The following SLC25A48 variants were observed in gnomAD, a reference collection of about 807,000 sequenced individuals.
SLC25A48 encodes CTC-321K16.1.
A neutral mutation model predicts 32.2 loss-of-function variants in SLC25A48; 29 were observed. The ratio of observed to expected loss-of-function variants is 0.90; its 90% CI spans 0.67 to 1.23. SLC25A48 has a LOEUF of 1.23. Among genes scored for constraint, SLC25A48 ranks in the 50% most tolerant of loss-of-function variants. SLC25A48 has a pLI of 0.00. For missense variants in SLC25A48, 399 were observed against 422.7 expected (o/e 0.94, Z 0.49); for synonymous variants, 164 against 172.3 (o/e 0.95, Z 0.38).
intron 3 of SLC25A48, among the ~76,000 whole-genome samples, chr5:135,694,355 C>T (rs960900866): frequency 1.3e-4 from 20 of 152,192 alleles, no homozygotes; most frequent in Non-Finnish European, 2.6e-4. Flanking sequence ...CCATTTGAAC[C>T]GTTTCCACCT....
intron 3 of SLC25A48, among the ~76,000 whole-genome samples, chr5:135,794,027 T>C (rs1757101561): frequency 6.6e-6 from 1 of 151,832 alleles, no homozygotes; most frequent in Non-Finnish European, 1.5e-5. Context: ...AGGGGGGAAA[T>C]TATATTACTC....
At chr5:135,585,002 G>A (rs1580701017) in intron 1 of SLC25A48, among the ~76,000 whole-genome samples, 2 of 152,342 alleles carry the variant, frequency 1.3e-5, no homozygotes, top group East Asian at 3.9e-4. Context: ...ATTCAGCGAG[G>A]GCTTGGGCAG....
chr5:135,658,874 G>A (rs1753319208), intron 3 of SLC25A48, among the ~76,000 whole-genome samples: 1 of 152,228 alleles, frequency 6.6e-6, no homozygotes, highest in South Asian at 2.1e-4. Context: ...TGGAGTGTCT[G>A]GGACACAGGG....
At chr5:135,773,545 C>T (rs192857116) in intron 3 of SLC25A48, among the ~76,000 whole-genome samples, 4 of 150,728 alleles carry the variant, frequency 2.7e-5, no homozygotes, top group Admixed American at 1.3e-4. Flanking sequence ...TGATACTGTG[C>T]GATCCCCCCA....
chr5:135,685,311 A>G (rs1474009890), intron 3 of SLC25A48, among the ~76,000 whole-genome samples: 1 of 150,332 alleles, frequency 6.7e-6, no homozygotes, highest in Non-Finnish European at 1.5e-5. Context: ...TTTATATATT[A>G]TGAAATTTTA....
At chr5:135,683,160 A>G (rs1296904219) in intron 3 of SLC25A48, among the ~76,000 whole-genome samples, 1 of 152,192 alleles carries the variant, frequency 6.6e-6, no homozygotes, top group Non-Finnish European at 1.5e-5. Context: ...GATAACATAC[A>G]TGACAGAATG....
intron 3 of SLC25A48, among the ~76,000 whole-genome samples, chr5:135,792,152 A>G (rs1757047187): frequency 6.6e-6 from 1 of 151,600 alleles, no homozygotes; most frequent in African/African-American, 2.4e-5. Context: ...GGAGCATGTT[A>G]CTCCTAATGT....
At chr5:135,769,955 C>T (rs754531271) in intron 3 of SLC25A48, among the ~76,000 whole-genome samples, 4 of 150,546 alleles carry the variant, frequency 2.7e-5, no homozygotes, top group African/African-American at 4.9e-5. Context: ...TATAGTATTA[C>T]TCCCAATTTC....
Position 135,874,064 on chromosome 5 carries a change from A to C in SLC25A48, c.723A>C (p.Lys241Asn). Residue 241 changes from lysine (K) to asparagine (N), a missense_variant, in exon 6 of 8, where the codon AAA becomes AAC. By Grantham distance (94) the Lys-to-Asn change is moderately conservative. Coordinates refer to ENST00000681962, the MANE Select transcript of SLC25A48 (RefSeq NM_001349336.2). ...WGTATPMDVV[K>N]SRLQADGVYL... ...CAGCGACTCCTATGGATGTCGTGAA[A>C]AGTCGACTCCAAGCTGATGGGGTTT... is the stretch of plus-strand genomic sequence containing the variant. 1 of 1,531,326 alleles carries C rather than the reference A, an allele frequency of 6.5e-7. No homozygotes were observed. The highest frequency in any genetic ancestry group is 1.2e-5 in the South Asian group (1 of 83,360). 94.9% of individuals were successfully genotyped at this position (1,531,326 alleles called of 1,614,324 possible).
chr5:135,855,753 A>T (rs1439616118), intron 4 of SLC25A48, among the ~76,000 whole-genome samples: 1 of 152,208 alleles, frequency 6.6e-6, no homozygotes, highest in Non-Finnish European at 1.5e-5. Flanking sequence ...ACTCATACGC[A>T]TGTATGTCTC....
rs539276205 is a variant in SLC25A48 at position 135,859,109 on chromosome 5, G to A, written c.421+6288G>A. Among the ~76,000 whole-genome samples the A allele has an allele frequency of 4.0e-4, 61 of 152,202 alleles. 2 individuals carry two copies. The highest frequency in any genetic ancestry group is 1.4e-3 in the African/African-American group (59 of 41,522). On this transcript the variant is annotated intron_variant, in intron 4 of 7. Transcript: ENST00000681962. ...AAAACTCAGAGACTCATCACGACAG[G>A]GAGCTAACATACATGTAACCTCCTA...
intron 1 of SLC25A48, among the ~76,000 whole-genome samples, chr5:135,585,044 G>A (rs757453105): frequency 6.6e-6 from 1 of 152,246 alleles, no homozygotes; most frequent in Non-Finnish European, 1.5e-5. Flanking sequence ...CGCTGGCGAT[G>A]GGCGATGAGC....
chr5:135,685,585 A>G (rs962939071), intron 3 of SLC25A48, among the ~76,000 whole-genome samples: 9 of 152,096 alleles, frequency 5.9e-5, no homozygotes, highest in Non-Finnish European at 1.0e-4. Context: ...GGCACGTGCC[A>G]CCACACCCAG....
intron 1 of SLC25A48, among the ~76,000 whole-genome samples, chr5:135,624,838 A>G (rs1752408024): frequency 6.6e-6 from 1 of 152,174 alleles, no homozygotes; most frequent in Admixed American, 6.5e-5. Context: ...TTTTATGTCT[A>G]TGGCCAACAG....
At chr5:135,803,337 T>C (rs77096485) in intron 3 of SLC25A48, among the ~76,000 whole-genome samples, 1 of 151,556 alleles carries the variant, frequency 6.6e-6, no homozygotes, top group Admixed American at 6.6e-5. Flanking sequence ...ATTCCAGGGA[T>C]ATATTAATCC....
chr5:135,759,581 A>T (rs1350296143), intron 3 of SLC25A48, among the ~76,000 whole-genome samples: 1 of 152,160 alleles, frequency 6.6e-6, no homozygotes, highest in Non-Finnish European at 1.5e-5. Flanking sequence ...CACAGCCAAG[A>T]TTAGAGCATT....
At chr5:135,729,821 A>G (rs1755182467) in intron 3 of SLC25A48, among the ~76,000 whole-genome samples, 1 of 152,226 alleles carries the variant, frequency 6.6e-6, no homozygotes, top group African/African-American at 2.4e-5. Flanking sequence ...TTTGTGTTAA[A>G]GTAACTAGAC....
At chr5:135,744,868 CCT>C (rs1755603761) in intron 3 of SLC25A48, among the ~76,000 whole-genome samples, 1 of 151,944 alleles carries the variant, frequency 6.6e-6, no homozygotes, top group Admixed American at 6.6e-5. Flanking sequence ...ATAATGAAAC[CCT>C]GTCTCTACTA....
At position 135,880,815 on chromosome 5, in the gene SLC25A48, G is replaced by C. The variant is rs6876483; in HGVS notation, c.*7+718G>C. 1.3e-3 allele frequency among the ~76,000 whole-genome samples: 193 copies of C among 152,144 alleles called. 1 individual carries two copies. Among genetic ancestry groups the C allele is most frequent in the African/African-American group, 4.2e-3 (176 of 41,496 alleles). ...CCCCTCTGCCTGACATCCTCTTCTC[G>C]CTCCTTTCCTACTTGTCCTTGGCTT... On this transcript the variant is annotated intron_variant, in intron 7 of 7. Transcript: ENST00000681962.
Sources: allele counts gnomAD v4.1 joint callset (sites outside exome capture counted in the v4.1 genomes callset), GRCh38; gene constraint gnomAD v4.1.1; transcripts MANE v1.5; gene names NCBI Gene and HGNC (gene_info 2026-07-23, HGNC 2026-07-21).